The following PLCB2 variants were observed in gnomAD, a reference collection of about 807,000 sequenced individuals.
The protein encoded by PLCB2 is phospholipase C beta 2.
Under a neutral mutation model 141.7 loss-of-function variants are expected in PLCB2, and 115 were observed. The ratio of observed to expected loss-of-function variants is 0.81; its 90% CI spans 0.70 to 0.95. PLCB2 has a LOEUF of 0.95. Among genes scored for constraint, PLCB2 ranks in the 40% least tolerant of loss-of-function variants. The pLI, the probability that PLCB2 is intolerant of heterozygous loss-of-function variation, is 0.00. For missense variants in PLCB2, 1,403 were observed against 1,541.1 expected (o/e 0.91, Z 1.50); for synonymous variants, 603 against 595.6 (o/e 1.01, Z -0.18).
chr15:40,287,639 A>T (rs2039636276), downstream of PLCB2, among the ~76,000 whole-genome samples: 2 of 152,024 alleles, frequency 1.3e-5, no homozygotes, highest in South Asian at 4.2e-4. Flanking sequence ...CAACCCCGAG[A>T]GTGGAGACAA....
intron 23 of PLCB2, 50 bp from the exon 24 acceptor site, chr15:40,291,974 C>A (rs779200914): frequency 6.2e-7 from 1 of 1,606,904 alleles, no homozygotes; most frequent in South Asian, 1.1e-5. Context: ...CCTCTCTCCC[C>A]GAGCCTGGGA....
intron 1 of PLCB2, among the ~76,000 whole-genome samples, chr15:40,304,869 T>G (rs1416748372): frequency 6.6e-6 from 1 of 152,196 alleles, no homozygotes; most frequent in African/African-American, 2.4e-5. Flanking sequence ...CCTTTTAGTT[T>G]AACGGTCTTT....
At chr15:40,290,705 G>T (rs376364567) in intron 28 of PLCB2, 33 bp from the exon 29 acceptor site, 2 of 1,611,696 alleles carry the variant, frequency 1.2e-6, no homozygotes, top group Non-Finnish European at 1.7e-6. Flanking sequence ...GAGCTGTTTT[G>T]TGCGGCTGAG....
chr15:40,303,494 C>T, intron 2 of PLCB2, 138 bp from the exon 3 acceptor site: 1 of 657,822 alleles, frequency 1.5e-6, no homozygotes, highest in Non-Finnish European at 2.7e-6. Context: ...AGATGCCAGG[C>T]TGCCCAGGGC....
chr15:40,293,620 C>T lies in PLCB2; in HGVS notation c.2166G>A (p.Leu722=). Residue 722 remains leucine (L), a synonymous_variant, in exon 20 of 32, where the codon CTG becomes CTA. Coordinates refer to ENST00000260402, the MANE Select transcript of PLCB2 (RefSeq NM_004573.3). Reference sequence around the variant, plus strand: ...GATTGATGGAGTTAGTACTGGGTGACAGCTTAGTTCGATAGCGCCTCTTGG... The same window carrying T: ...GATTGATGGAGTTAGTACTGGGTGATAGCTTAGTTCGATAGCGCCTCTTGG... ...GDPKRRYRTK[L]SPSTNSINPV... is the part of the protein sequence containing the mutation. 8.7e-6 allele frequency: 14 copies of T among 1,614,154 alleles called. No homozygotes were observed. The highest frequency in any genetic ancestry group is 1.2e-5 in the Non-Finnish European group (14 of 1,180,008).
Position 40,298,428 on chromosome 15 carries a change from C to G in PLCB2, c.998-48G>C. The G allele has an allele frequency of 2.5e-6, 4 of 1,572,210 alleles. No individual in the cohort carries two copies. The South Asian group carries it at 4.7e-5, about 19-fold the overall frequency. On this transcript the variant is annotated intron_variant, in intron 10 of 31. Coordinates refer to ENST00000260402, the MANE Select transcript of PLCB2 (RefSeq NM_004573.3). ...GGTGAGGGCATCACCCAAAGGCAGCCCAGCTCTCCCCCTACCGCCACTCCA... is the reference window on the plus strand; with the variant it reads ...GGTGAGGGCATCACCCAAAGGCAGCGCAGCTCTCCCCCTACCGCCACTCCA...
chr15:40,295,744 T>A (rs2040176402), intron 16 of PLCB2, among the ~76,000 whole-genome samples: 1 of 152,088 alleles, frequency 6.6e-6, no homozygotes. Context: ...GGATGCAGGC[T>A]GTGGGTTCAG....
At chr15:40,290,207 G>A (rs1251117100) in intron 29 of PLCB2, 125 bp from the exon 30 acceptor site, 4 of 718,124 alleles carry the variant, frequency 5.6e-6, no homozygotes, top group African/African-American at 5.2e-5. Flanking sequence ...GCTGGGGGCA[G>A]GTGTGGGGAC....
Position 40,291,033 on chromosome 15 carries a change from C to T in PLCB2, c.3021G>A (p.Glu1007=), listed in dbSNP as rs775128822. ...EQYECVLKRK[E]QHVAEQISKM... Reference sequence around the variant, plus strand: ...TCCCGGCCACCTCGGCCACGTGCTGCTCCTTGCGCTTCAGAACGCACTCGT... The same window carrying T: ...TCCCGGCCACCTCGGCCACGTGCTGTTCCTTGCGCTTCAGAACGCACTCGT... The change falls in exon 27 of 32, where the codon GAG becomes GAA. Residue 1007 remains glutamate (E), a synonymous_variant. Transcript: ENST00000260402. The T allele has an allele frequency of 1.6e-5, 25 of 1,593,698 alleles. No homozygotes were observed. Among genetic ancestry groups the T allele is most frequent in the Admixed American group, 5.0e-5 (3 of 59,654 alleles).
intron 20 of PLCB2, 130 bp from the exon 21 acceptor site, chr15:40,293,155 C>T: frequency 1.6e-6 from 1 of 617,974 alleles, no homozygotes; most frequent in Non-Finnish European, 2.9e-6. Context: ...TGAGGACAGA[C>T]AGAGGGCACA....
At position 40,302,291 on chromosome 15, in the gene PLCB2, C is replaced by G. The variant is rs755783952; in HGVS notation, c.431G>C (p.Arg144Pro). Residue 144 changes from arginine to proline, a missense_variant, in exon 5 of 32, where the codon CGC becomes CCC. Coordinates refer to ENST00000260402, the MANE Select transcript of PLCB2 (RefSeq NM_004573.3). Reference sequence around the variant, plus strand: ...TTACATCTTGTCCAGGAAGGTGCTGCGGGAGGCGTTGGCCGTCAGCGGATG... The same window carrying G: ...TTACATCTTGTCCAGGAAGGTGCTGGGGGAGGCGTTGGCCGTCAGCGGATG... ...VKHPLTANAS[R>P]STFLDKILVK... 6.2e-7 allele frequency: 1 copy of G among 1,614,142 alleles called. No individual in the cohort carries two copies. The highest frequency in any genetic ancestry group is 1.7e-5 in the Admixed American group (1 of 60,020).
At chr15:40,301,725 A>G (rs2040519500) in intron 7 of PLCB2, 1 of 706,114 alleles carries the variant, frequency 1.4e-6, no homozygotes, top group Non-Finnish European at 2.6e-6. Context: ...CCCACCACCC[A>G]GGGTAGGGGA....
In PLCB2 at chr15:40,307,840, T is replaced by G. The variant is rs546034700; in HGVS notation, c.-168A>C. 24 of 488,926 alleles carry G rather than the reference T, an allele frequency of 4.9e-5. No homozygotes were observed. Among genetic ancestry groups the G allele is most frequent in the African/African-American group, 3.6e-4 (18 of 50,164 alleles). The allele number at this position is 488,926 out of a possible 1,614,324, so 30.3% of individuals were successfully genotyped here. A position where few individuals can be genotyped will look rare whatever the true frequency, so the allele number is the denominator to read the frequency against. Reference sequence around the variant, plus strand: ...AGCCCCTGGGGTGGCCCTGGCTGAGTGCAGGACTGAGCTGTAGCCAGAGGC... The same window carrying G: ...AGCCCCTGGGGTGGCCCTGGCTGAGGGCAGGACTGAGCTGTAGCCAGAGGC... On this transcript the variant is annotated 5_prime_UTR_variant, in exon 1 of 32. Transcript: ENST00000260402.
Position 40,296,294 on chromosome 15 carries a change from A to C in PLCB2, c.1696+2T>G. The C allele has an allele frequency of 6.2e-7, 1 of 1,611,130 alleles. No individual in the cohort carries two copies. Among genetic ancestry groups the C allele is most frequent in the African/African-American group, 1.3e-5 (1 of 75,008 alleles). The stretch of plus-strand genomic sequence containing the variant: ...ACCCGTAAGTTACTCATGCTAACTT[A>C]CGGGCAGAGAACTCAAAGGAGACGA... On this transcript the variant is annotated splice_donor_variant, in intron 16 of 31. Coordinates refer to ENST00000260402, the MANE Select transcript of PLCB2 (RefSeq NM_004573.3). LOFTEE classifies it high-confidence loss of function.
chr15:40,305,799 T>C (rs1036029184), intron 1 of PLCB2, among the ~76,000 whole-genome samples: 1 of 152,162 alleles, frequency 6.6e-6, no homozygotes, highest in South Asian at 2.1e-4. Context: ...TAGAACTTGG[T>C]TACCCCTTTC....
At position 40,290,862 on chromosome 15, in the gene PLCB2, G is replaced by T. The variant is rs759556495; in HGVS notation, c.3037-25C>A. 8.1e-6 allele frequency: 13 copies of T among 1,603,626 alleles called. No individual in the cohort carries two copies. In the African/African-American group the frequency reaches 1.2e-4, roughly 15 times the overall value. ...GCTGCAGGGAGAGGAAGTAAGCTTGGCGAGAAGCCCTTTGTTGTTCAGAGG... is the reference window on the plus strand; with the variant it reads ...GCTGCAGGGAGAGGAAGTAAGCTTGTCGAGAAGCCCTTTGTTGTTCAGAGG... On this transcript the variant is annotated intron_variant, in intron 27 of 31. Coordinates refer to ENST00000260402, the MANE Select transcript of PLCB2 (RefSeq NM_004573.3).
At position 40,290,801 on chromosome 15, in the gene PLCB2, G is replaced by T. The variant is rs910444022; in HGVS notation, c.3073C>A (p.Gln1025Lys). 1 of 1,612,104 alleles carries T rather than the reference G, an allele frequency of 6.2e-7. No individual in the cohort carries two copies. The change falls in exon 28 of 32, where the codon CAG (glutamine) becomes AAG (lysine). Residue 1025 changes from glutamine (Q) to lysine (K), a missense_variant. Gln to Lys is a moderately conservative substitution (Grantham distance 53). Transcript: ENST00000260402. ...TTCAGGGCCTTCAGCTCTGCCGCCTGTTTCTCTCTGGCCAGCTCCATCATT... is the reference window on the plus strand; with the variant it reads ...TTCAGGGCCTTCAGCTCTGCCGCCTTTTTCTCTCTGGCCAGCTCCATCATT... ...SKMMELAREKQAAELKALKET... is the reference protein window; with the variant it reads ...SKMMELAREKKAAELKALKET...
intron 3 of PLCB2, 91 bp downstream of exon 3, chr15:40,303,197 G>T: frequency 1.1e-6 from 1 of 945,122 alleles, no homozygotes; most frequent in South Asian, 1.3e-5. Flanking sequence ...TGCTTCAGAA[G>T]TCAGGCTTCC....
chr15:40,295,173 A>G, intron 17 of PLCB2, 28 bp downstream of exon 17: 1 of 1,610,442 alleles, frequency 6.2e-7, no homozygotes, highest in East Asian at 2.2e-5. Context: ...CAAGCCAAGG[A>G]CCCTGGCCAC....
Sources: gnomAD v4.1 joint callset for allele counts (sites outside exome capture counted in the v4.1 genomes callset) on GRCh38, gnomAD v4.1.1 for gene constraint, MANE v1.5 for transcripts, NCBI Gene and HGNC (gene_info 2026-07-23, HGNC 2026-07-21) for gene names.